The following INSR variants were observed in gnomAD, a reference collection of about 807,000 sequenced individuals.
The protein encoded by INSR is IR.
INSR carries 67 observed loss-of-function variants against 142.6 expected under a neutral mutation model. The observed-to-expected ratio is 0.47, with a 90% CI of 0.39 to 0.58. INSR has a LOEUF of 0.58. Among genes scored for constraint, INSR ranks in the 20% least tolerant of loss-of-function variants. The pLI, the probability that INSR is intolerant of heterozygous loss-of-function variation, is 0.00. For missense variants in INSR, 1,248 were observed against 1,833.2 expected, an observed-to-expected ratio of 0.68 and a Z score of 5.83; for synonymous variants, 756 against 743.1, an observed-to-expected ratio of 1.02 and a Z score of -0.28.
At chr19:7,185,858 AAGAG>A (rs1406453491) in intron 2 of INSR, among the ~76,000 whole-genome samples, 5 of 134,026 alleles carry the variant, frequency 3.7e-5, no homozygotes, top group African/African-American at 9.4e-5. Flanking sequence ...AAAAAAAAAA[AAGAG>A]AGAGAGAGAC....
chr19:7,129,102 TGATTTTCCAGCAGTCCC>T (rs1972716502), intron 14 of INSR, 148 bp from the exon 15 acceptor site: 3 of 657,198 alleles, frequency 4.6e-6, no homozygotes, highest in Non-Finnish European at 8.2e-6. Flanking sequence ...TTCCACATCC[TGATTTTCCAGCAGTCCC>T]GAAACAGTCC....
chr19:7,124,620 T>G (rs1286185109), intron 17 of INSR, among the ~76,000 whole-genome samples: 1 of 63,880 alleles, frequency 1.6e-5, no homozygotes, highest in South Asian at 6.0e-4. Context: ...TATATATATA[T>G]ATATATATAT....
At chr19:7,223,086 G>C (rs553916387) in intron 2 of INSR, among the ~76,000 whole-genome samples, 1 of 152,266 alleles carries the variant, frequency 6.6e-6, no homozygotes, top group East Asian at 1.9e-4. Flanking sequence ...GGGAGGCTGA[G>C]GCAGGAGAAT....
At chr19:7,155,628 G>A (rs1307031559) in intron 9 of INSR, among the ~76,000 whole-genome samples, 1 of 148,786 alleles carries the variant, frequency 6.7e-6, no homozygotes, top group African/African-American at 2.5e-5. Flanking sequence ...AAAAGATAAA[G>A]GGGGCCAGGT....
At chr19:7,204,725 A>G (rs1181665609) in intron 2 of INSR, among the ~76,000 whole-genome samples, 1 of 152,160 alleles carries the variant, frequency 6.6e-6, no homozygotes, top group African/African-American at 2.4e-5. Flanking sequence ...AAAATGCAAT[A>G]AGGAAAAAAA....
Position 7,229,372 on chromosome 19 carries a change from G to A in INSR, c.652+37973C>T, listed in dbSNP as rs1382635523. 6.6e-5 allele frequency among the ~76,000 whole-genome samples: 10 copies of A among 151,960 alleles called. No homozygotes were observed. In the East Asian group the frequency reaches 1.9e-3, roughly 29 times the overall value. On this transcript the variant is annotated intron_variant, in intron 2 of 21. Transcript: ENST00000302850. ...TGGATGGATGGATGGATGGATAGATGGATGGGCAGATGAGCAAGGGAGTGA... is the reference window on the plus strand; with the variant it reads ...TGGATGGATGGATGGATGGATAGATAGATGGGCAGATGAGCAAGGGAGTGA...
At chr19:7,214,073 C>T (rs1975359710) in intron 2 of INSR, among the ~76,000 whole-genome samples, 1 of 152,006 alleles carries the variant, frequency 6.6e-6, no homozygotes, top group Admixed American at 6.6e-5. Context: ...GGCGAGAAGT[C>T]TATGAACCAG....
chr19:7,219,925 C>CCCTT (rs111368536), intron 2 of INSR, among the ~76,000 whole-genome samples: 1 of 152,086 alleles, frequency 6.6e-6, no homozygotes, highest in African/African-American at 2.4e-5. Context: ...GGAAAAATCT[C>CCCTT]TCTATCACTC....
At position 7,143,552 on chromosome 19, in the gene INSR, T is replaced by C. The variant is rs79564171; in HGVS notation, c.2268-462A>G. Among the ~76,000 whole-genome samples, 987 of 152,318 alleles carry C rather than the reference T, an allele frequency of 6.5e-3. 7 individuals are homozygous for C. The highest frequency in any genetic ancestry group is 0.041 in the East Asian group (215 of 5,186). The stretch of plus-strand genomic sequence containing the variant: ...GTTTAAATAGGAAAAAATACATCTT[T>C]TCCTTCTTATTGCTGCTTAGGGCAC... On this transcript the variant is annotated intron_variant, in intron 11 of 21. Transcript: ENST00000302850.
chr19:7,207,951 A>T (rs1371100751), intron 2 of INSR, among the ~76,000 whole-genome samples: 1 of 64,158 alleles, frequency 1.6e-5, no homozygotes, highest in East Asian at 4.7e-4. Context: ...GGAAGGAGGG[A>T]GGGAGGGAGG....
intron 6 of INSR, 47 bp downstream of exon 6, chr19:7,170,490 A>G: frequency 6.9e-7 from 1 of 1,453,572 alleles, no homozygotes; most frequent in Non-Finnish European, 9.7e-7. Flanking sequence ...ACCATCTTCC[A>G]CTACACCGGT....
intron 3 of INSR, among the ~76,000 whole-genome samples, chr19:7,177,702 ATTT>A (rs71177166): frequency 1.3e-4 from 12 of 90,658 alleles, no homozygotes; most frequent in African/African-American, 3.3e-4. Context: ...CTAATTTTGT[ATTT>A]TTTTTTTTTT....
rs376600434 is a variant in INSR at position 7,142,978 on chromosome 19, C to T, written c.2380G>A (p.Glu794Lys). 1.5e-5 allele frequency: 24 copies of T among 1,614,066 alleles called. No homozygotes were observed. The highest frequency in any genetic ancestry group is 6.6e-5 in the South Asian group (6 of 91,092). Residue 794 changes from glutamate (E) to lysine (K), a missense_variant, in exon 12 of 22, where the codon GAG becomes AAG. Glu to Lys is a moderately conservative substitution (Grantham distance 56, BLOSUM62 1). Transcript: ENST00000302850. ...SSTSVPTSPE[E>K]HRPFEKVVNK... is the part of the protein sequence containing the mutation. ...ACCACCTTCTCAAAAGGCCTGTGCT[C>T]CTCCGGACTCGTGGGCACGCTGGTC...
rs757174282 is a variant in INSR, at chr19:7,126,572, G to T, written c.3013+12C>A. The T allele has an allele frequency of 1.9e-6, 3 of 1,554,392 alleles. No homozygotes were observed. Among genetic ancestry groups the T allele is most frequent in the South Asian group, 1.2e-5 (1 of 84,386 alleles). ...GGGTTCTGGCCACCCACAGGGAAGG[G>T]ATGGTACTCACCATCACTGGCACTG... is the stretch of plus-strand genomic sequence containing the variant. On this transcript the variant is annotated intron_variant, in intron 16 of 21. Transcript: ENST00000302850.
At chr19:7,230,997 G>A (rs1048153184) in intron 2 of INSR, among the ~76,000 whole-genome samples, 5 of 152,242 alleles carry the variant, frequency 3.3e-5, no homozygotes, top group Non-Finnish European at 2.9e-5. Flanking sequence ...GCGGAGCTGC[G>A]GCCTTTAGAA....
intron 13 of INSR, among the ~76,000 whole-genome samples, chr19:7,135,835 G>A (rs983324986): frequency 2.0e-5 from 3 of 151,890 alleles, no homozygotes; most frequent in Non-Finnish European, 2.9e-5. Context: ...GGGCGAGGTC[G>A]TGGGTTCCTG....
At chr19:7,173,612 CTTTTTTTTTT>C (rs953885301) in intron 4 of INSR, among the ~76,000 whole-genome samples, 88 of 61,492 alleles carry the variant, frequency 1.4e-3, no homozygotes, top group East Asian at 6.2e-3. Context: ...CAGCGCCTGG[CTTTTTTTTTT>C]TTTTTTTTTT....
chr19:7,250,566 AAAGGAAGGAAGGAGGGAGGGAAGG>A (rs1330588566), intron 2 of INSR, among the ~76,000 whole-genome samples: 2 of 136,102 alleles, frequency 1.5e-5, no homozygotes, highest in Non-Finnish European at 3.2e-5. Context: ...AAATAAAGAA[AAAGGAAGGAAGGAGGGAGGGAAGG>A]AAGGAAGGAG....
At chr19:7,244,887 T>A (rs1460443324) in intron 2 of INSR, among the ~76,000 whole-genome samples, 1 of 151,844 alleles carries the variant, frequency 6.6e-6, no homozygotes, top group Non-Finnish European at 1.5e-5. Flanking sequence ...TTTAATTAAA[T>A]TTTTAAATCA....
Sources: gnomAD v4.1 joint callset for allele counts (sites outside exome capture counted in the v4.1 genomes callset) on GRCh38, gnomAD v4.1.1 for gene constraint, MANE v1.5 for transcripts, NCBI Gene and HGNC (gene_info 2026-07-23, HGNC 2026-07-21) for gene names.